RNU2-63P: variants seen among roughly 807,000 people sequenced by gnomAD.
RNU2-63P encodes RNA, U2 small nuclear 63, pseudogene.
exon 1 of RNU2-63P, chr2:88,016,376 G>A (rs1400090432): frequency 2.1e-4 from 5 of 24,110 alleles, no homozygotes; most frequent in African/African-American, 3.0e-4. Flanking sequence ...GTTTCTGGAA[G>A]TACTGCAATA....
At chr2:88,016,536 CAA>C (rs1266787600) in exon 1 of RNU2-63P, 1 of 152,148 alleles carries the variant, frequency 6.6e-6, no homozygotes, top group Non-Finnish European at 1.5e-5. Context: ...AACCAAACAG[CAA>C]AAAAGAGATA....
exon 1 of RNU2-63P, chr2:88,016,439 C>G (rs374470933): frequency 9.7e-6 from 1 of 102,772 alleles, no homozygotes; most frequent in African/African-American, 3.3e-5. Flanking sequence ...ACTCCCCGTT[C>G]CAAAACTGCG....
exon 1 of RNU2-63P, chr2:88,016,501 A>T (rs533534645): frequency 6.6e-6 from 1 of 152,186 alleles, no homozygotes; most frequent in Admixed American, 6.5e-5. Flanking sequence ...TAAACTGATA[A>T]GAACACACAC....
chr2:88,016,413 G>C (rs548087806), exon 1 of RNU2-63P: 1 of 94,776 alleles, frequency 1.1e-5, no homozygotes, highest in Admixed American at 1.1e-4. Context: ...ACTAGATAGA[G>C]TAAACTCTTA....
chr2:88,016,546 A>AG (rs1473686014), exon 1 of RNU2-63P: 3 of 152,228 alleles, frequency 2.0e-5, no homozygotes, highest in African/African-American at 4.8e-5. Flanking sequence ...CAAAAAAGAG[A>AG]TACCAGTTAC....
rs549107419 is a variant in RNU2-63P, at chr2:88,016,476, G to C, written n.72C>G. 7 of 152,146 alleles carry C rather than the reference G, an allele frequency of 4.6e-5. No individual in the cohort carries two copies. In the South Asian group the frequency reaches 8.3e-4, roughly 18 times the overall value. The allele number at this position is 152,146 out of a possible 1,614,324, so 9.4% of individuals were successfully genotyped here. A position where few individuals can be genotyped will look rare whatever the true frequency, so the allele number is the denominator to read the frequency against. On this transcript the variant is annotated non_coding_transcript_exon_variant, in exon 1 of 1. Transcript: ENST00000410792. ...TTAATATAGCGTTCATCAAACAGAA[G>C]AACATACCAGATATTAAACTGATAA...
chr2:88,016,446 T>C (rs1031168952), exon 1 of RNU2-63P: 2 of 112,102 alleles, frequency 1.8e-5, no homozygotes, highest in Admixed American at 9.3e-5. Flanking sequence ...GTTCCAAAAC[T>C]GCGTTTAATA....
exon 1 of RNU2-63P, chr2:88,016,358 G>C (rs770024442): frequency 4.1e-5 from 1 of 24,250 alleles, no homozygotes; most frequent in Non-Finnish European, 1.1e-4. Context: ...ATGGTTAGCA[G>C]GTGCACCGTT....
At chr2:88,016,540 A>T (rs536129763) in exon 1 of RNU2-63P, 6 of 152,266 alleles carry the variant, frequency 3.9e-5, no homozygotes, top group Non-Finnish European at 8.8e-5. Flanking sequence ...AAACAGCAAA[A>T]AAGAGATACC....
At chr2:88,016,417 A>G (rs1672689647) in exon 1 of RNU2-63P, 1 of 152,114 alleles carries the variant, frequency 6.6e-6, no homozygotes, top group African/African-American at 2.4e-5. Context: ...GATAGAGTAA[A>G]CTCTTACTCC....
chr2:88,016,408 A>T (rs539872124), exon 1 of RNU2-63P: 1 of 99,790 alleles, frequency 1.0e-5, no homozygotes, highest in Non-Finnish European at 2.3e-5. Context: ...CGTAGACTAG[A>T]TAGAGTAAAC....
chr2:88,016,360 T>C (rs1472133849), exon 1 of RNU2-63P: 2 of 23,578 alleles, frequency 8.5e-5, no homozygotes, highest in Non-Finnish European at 2.3e-4. Context: ...GGTTAGCAGG[T>C]GCACCGTTTC....
exon 1 of RNU2-63P, chr2:88,016,486 G>C (rs77026124): frequency 6.6e-5 from 10 of 152,118 alleles, no homozygotes; most frequent in African/African-American, 2.2e-4. Flanking sequence ...GAACATACCA[G>C]ATATTAAACT....
chr2:88,016,395 A>G (rs545745736), exon 1 of RNU2-63P: 2 of 72,808 alleles, frequency 2.7e-5, no homozygotes, highest in Admixed American at 1.4e-4. Flanking sequence ...TACCAAATCG[A>G]TGCGTAGACT....
chr2:88,016,517 T>A (rs1450273979), exon 1 of RNU2-63P: 1 of 152,054 alleles, frequency 6.6e-6, no homozygotes, highest in South Asian at 2.1e-4. Context: ...CACACTACAC[T>A]CAATCATTAA....
chr2:88,016,492 A>T (rs753321961), exon 1 of RNU2-63P: 1 of 152,212 alleles, frequency 6.6e-6, no homozygotes, highest in Non-Finnish European at 1.5e-5. Context: ...ACCAGATATT[A>T]AACTGATAAG....
At chr2:88,016,541 AAG>A (rs1307139298) in exon 1 of RNU2-63P, 2 of 152,226 alleles carry the variant, frequency 1.3e-5, no homozygotes, top group Admixed American at 1.3e-4. Context: ...AACAGCAAAA[AAG>A]AGATACCAGT....
At chr2:88,016,452 T>TA (rs1457699895) in exon 1 of RNU2-63P, 3 of 122,620 alleles carry the variant, frequency 2.4e-5, no homozygotes, top group African/African-American at 8.7e-5. Flanking sequence ...AAACTGCGTT[T>TA]AATATAGCGT....
exon 1 of RNU2-63P, chr2:88,016,439 C>T (rs374470933): frequency 9.7e-6 from 1 of 102,664 alleles, no homozygotes. Context: ...ACTCCCCGTT[C>T]CAAAACTGCG....
Sources: gnomAD v4.1 joint callset for allele counts on GRCh38, gnomAD v4.1.1 for gene constraint, MANE v1.5 for transcripts, NCBI Gene and HGNC (gene_info 2026-07-23, HGNC 2026-07-21) for gene names.